Variants in FGF13 observed in about 807,000 individuals in gnomAD.
The protein encoded by FGF13 is fibroblast growth factor 13.
In FGF13, 2 loss-of-function variants were observed where a neutral mutation model predicts 19.5. The ratio of observed to expected loss-of-function variants is 0.10; its 90% CI spans 0.04 to 0.32. FGF13 has a LOEUF of 0.32. Ranked by LOEUF, FGF13 falls within the 10% of genes least tolerant of loss-of-function variation. The pLI, the probability that FGF13 is intolerant of heterozygous loss-of-function variation, is 1.00. For synonymous variants in FGF13, 72 were observed against 76.9 expected (o/e 0.94, Z 0.33); for missense variants, 113 against 192.7 (o/e 0.59, Z 2.45).
chrX:138,761,488 C>A (rs1602800435), intron 3 of FGF13, among the ~76,000 whole-genome samples: 1 of 111,626 alleles, frequency 9.0e-6, no homozygotes, highest in East Asian at 2.8e-4. Flanking sequence ...AGGAGCCATG[C>A]TGCCATCCAC....
rs984218248 is a variant in FGF13, at chrX:138,622,279, T to C, written c.*10571A>G. 1.8e-5 allele frequency: 2 copies of C among 111,175 alleles called. No homozygotes were observed. The highest frequency in any genetic ancestry group is 9.6e-5 in the Admixed American group (1 of 10,412). 9.2% of individuals were successfully genotyped at this position (111,175 alleles called of 1,213,427 possible). ...ACCATAATCAAGTGAGAGTTATCCC[T>C]GGGATAAAAGGATGGCTCAACATAC... On this transcript the variant is annotated 3_prime_UTR_variant, in exon 5 of 5. Transcript: ENST00000315930.
At chrX:138,945,427 A>G (rs969814358) in intron 1 of FGF13, among the ~76,000 whole-genome samples, 1 of 111,231 alleles carries the variant, frequency 9.0e-6, no homozygotes, top group African/African-American at 3.3e-5. Context: ...AAAGGTAGTC[A>G]AATGTCTACT....
intron 1 of FGF13, among the ~76,000 whole-genome samples, chrX:139,024,118 C>T (rs1193298637): frequency 4.5e-5 from 5 of 110,470 alleles, no homozygotes; most frequent in African/African-American, 1.6e-4. Context: ...GGCAGTGAAC[C>T]TACAGACAAC....
chrX:138,748,246 C>A (rs767908587), intron 3 of FGF13, among the ~76,000 whole-genome samples: 1 of 111,195 alleles, frequency 9.0e-6, no homozygotes, highest in East Asian at 2.9e-4. Flanking sequence ...GAATTGCATC[C>A]CCCAAATGCA....
chrX:138,853,339 T>C (rs1030218995), downstream of FGF13, among the ~76,000 whole-genome samples: 2 of 111,860 alleles, frequency 1.8e-5, no homozygotes, highest in Non-Finnish European at 3.8e-5. Context: ...CTTCTTCCTC[T>C]CCCATCATTA....
intron 2 of FGF13, among the ~76,000 whole-genome samples, chrX:138,862,268 A>G (rs769396216): frequency 8.9e-6 from 1 of 111,770 alleles, no homozygotes; most frequent in African/African-American, 3.3e-5. Flanking sequence ...ACAAGCCCTC[A>G]ATTATTTGAT....
chrX:139,036,907 G>T (rs1429068749), intron 1 of FGF13, among the ~76,000 whole-genome samples: 1 of 110,744 alleles, frequency 9.0e-6, no homozygotes, highest in East Asian at 2.9e-4. Flanking sequence ...CCTCCCACTG[G>T]GTCCCTCCCA....
chrX:139,043,081 G>A (rs1368087650), intron 1 of FGF13, among the ~76,000 whole-genome samples: 6 of 111,408 alleles, frequency 5.4e-5, no homozygotes, highest in Non-Finnish European at 9.4e-5. Context: ...GTGCACATGT[G>A]AAGGAACTTC....
chrX:138,687,216 G>A (rs747909695), intron 3 of FGF13, among the ~76,000 whole-genome samples: 2 of 111,961 alleles, frequency 1.8e-5, no homozygotes, highest in African/African-American at 6.5e-5. Flanking sequence ...ACAACCTACA[G>A]AATGGGAGAA....
chrX:138,824,258 C>T (rs1309050014), intron 3 of FGF13, among the ~76,000 whole-genome samples: 1 of 112,139 alleles, frequency 8.9e-6, no homozygotes, highest in African/African-American at 3.2e-5. Flanking sequence ...TTCCCCTGGA[C>T]TTTCATCTGC....
chrX:138,691,813 T>C (rs902064591), intron 3 of FGF13, among the ~76,000 whole-genome samples: 6 of 112,167 alleles, frequency 5.3e-5, no homozygotes, highest in Admixed American at 4.7e-4. Flanking sequence ...CAAAAGTAGT[T>C]AGCATCAGAT....
At chrX:139,100,033 G>A (rs913587124) in intron 1 of FGF13, among the ~76,000 whole-genome samples, 1 of 62,365 alleles carries the variant, frequency 1.6e-5, no homozygotes, top group Non-Finnish European at 3.0e-5. Context: ...CCATTACTGG[G>A]GAAAGCAAAC....
chrX:138,910,427 A>G (rs1013097227), intron 1 of FGF13, among the ~76,000 whole-genome samples: 1 of 111,454 alleles, frequency 9.0e-6, no homozygotes, highest in Non-Finnish European at 1.9e-5. Context: ...GCAAGATTAG[A>G]AAGTTCAAAG....
chrX:138,865,048 G>A (rs746240031), intron 1 of FGF13, among the ~76,000 whole-genome samples: 95 of 112,002 alleles, frequency 8.5e-4, no homozygotes, highest in African/African-American at 2.9e-3. Flanking sequence ...GCTGGAACTT[G>A]AGAATTGGCA....
chrX:138,787,529 CT>C (rs1219258691), intron 3 of FGF13, among the ~76,000 whole-genome samples: 1 of 111,956 alleles, frequency 8.9e-6, no homozygotes, highest in Non-Finnish European at 1.9e-5. Context: ...TCTCTGGCTT[CT>C]TTTTGTTTAT....
intron 1 of FGF13, among the ~76,000 whole-genome samples, chrX:139,173,400 T>C (rs1182095326): frequency 2.7e-5 from 3 of 110,013 alleles, no homozygotes; most frequent in Non-Finnish European, 5.7e-5. Context: ...TATATATATA[T>C]GTAAATGTTT....
At chrX:138,770,548 G>A (rs1416820415) in intron 3 of FGF13, among the ~76,000 whole-genome samples, 1 of 111,113 alleles carries the variant, frequency 9.0e-6, no homozygotes, top group Non-Finnish European at 1.9e-5. Context: ...CTACTAGGCT[G>A]AGATAGCTTT....
intron 1 of FGF13, among the ~76,000 whole-genome samples, chrX:139,041,537 A>G (rs1249221810): frequency 9.0e-6 from 1 of 111,604 alleles, no homozygotes; most frequent in Non-Finnish European, 1.9e-5. Context: ...TATATTCTAG[A>G]TGAATTTCCT....
chrX:138,818,503 C>CACACACAG (rs1302426408), intron 3 of FGF13, among the ~76,000 whole-genome samples: 1 of 36,669 alleles, frequency 2.7e-5, no homozygotes, highest in African/African-American at 1.1e-4. Flanking sequence ...TGCACAGACA[C>CACACACAG]ACACACACAC....
Sources: allele counts gnomAD v4.1 joint callset (sites outside exome capture counted in the v4.1 genomes callset), GRCh38; gene constraint gnomAD v4.1.1; transcripts MANE v1.5; gene names NCBI Gene and HGNC (gene_info 2026-07-23, HGNC 2026-07-21).